Variants in MND1 observed in about 807,000 individuals in gnomAD.
MND1 encodes meiotic nuclear divisions 1.
In MND1, 28 loss-of-function variants were observed where a neutral mutation model predicts 35.1. The observed-to-expected ratio is 0.80, with a 90% CI of 0.59 to 1.09. MND1 has a LOEUF of 1.09. Ranked by LOEUF, MND1 falls within the 50% of genes least tolerant of loss-of-function variation. The pLI, the probability that MND1 is intolerant of heterozygous loss-of-function variation, is 0.00. For missense variants in MND1, 213 were observed against 239.6 expected (o/e 0.89, Z 0.73); for synonymous variants, 69 against 70.5 (o/e 0.98, Z 0.11).
intron 6 of MND1, among the ~76,000 whole-genome samples, chr4:153,404,262 A>G (rs1261686408): frequency 7.1e-6 from 1 of 140,686 alleles, no homozygotes; most frequent in Non-Finnish European, 1.5e-5. Flanking sequence ...GCTCACTGCA[A>G]CCTCCGCCTC....
intron 1 of MND1, among the ~76,000 whole-genome samples, chr4:153,349,734 A>G (rs1773164801): frequency 6.6e-6 from 1 of 152,198 alleles, no homozygotes; most frequent in African/African-American, 2.4e-5. Context: ...GTAGCTGTTC[A>G]TTAGCTATAA....
intron 4 of MND1, chr4:153,381,688 ATATATTTTTTTTT>A (rs1728702005): frequency 4.1e-5 from 1 of 24,468 alleles, no homozygotes; most frequent in Admixed American, 6.5e-4. Context: ...ATATATATAT[ATATATTTTTTTTT>A]TTTTTTTTTT....
chr4:153,374,618 G>A (rs2149642263), intron 4 of MND1, among the ~76,000 whole-genome samples: 2 of 152,090 alleles, frequency 1.3e-5, no homozygotes, highest in South Asian at 4.1e-4. Flanking sequence ...CTTCCAGATG[G>A]GGGTTGGGGG....
At chr4:153,358,816 T>C (rs1268734122) in intron 4 of MND1, among the ~76,000 whole-genome samples, 194 bp downstream of exon 4, 1 of 152,256 alleles carries the variant, frequency 6.6e-6, no homozygotes, top group Non-Finnish European at 1.5e-5. Flanking sequence ...TCTTCCCATA[T>C]GTCAAGATAT....
intron 7 of MND1, among the ~76,000 whole-genome samples, chr4:153,409,384 A>AATAATAATAATC (rs978723001): frequency 1.3e-5 from 2 of 151,768 alleles, no homozygotes; most frequent in Non-Finnish European, 1.5e-5. Context: ...TAATAATAAT[A>AATAATAATAATC]ATAATAGCTA....
chr4:153,377,439 A>G (rs78424391), intron 4 of MND1, among the ~76,000 whole-genome samples: 1,555 of 152,280 alleles, frequency 0.01, 30 homozygotes, highest in African/African-American at 0.035. Flanking sequence ...AAGTTTATTC[A>G]GTTCTGTAAA....
At chr4:153,349,525 A>T (rs559880919) in intron 1 of MND1, among the ~76,000 whole-genome samples, 1 of 152,242 alleles carries the variant, frequency 6.6e-6, no homozygotes, top group African/African-American at 2.4e-5. Flanking sequence ...TCATACAATA[A>T]CTGTCCCCCA....
chr4:153,411,986 T>C (rs1300442354), intron 7 of MND1, among the ~76,000 whole-genome samples: 3 of 152,232 alleles, frequency 2.0e-5, no homozygotes, highest in African/African-American at 7.2e-5. Context: ...TTAGCAAGAA[T>C]GTACTGGTTG....
At chr4:153,364,948 A>G (rs1579909875) in intron 4 of MND1, among the ~76,000 whole-genome samples, 1 of 152,240 alleles carries the variant, frequency 6.6e-6, no homozygotes, top group African/African-American at 2.4e-5. Context: ...AGTCATAAAA[A>G]GACAAATACT....
intron 4 of MND1, among the ~76,000 whole-genome samples, chr4:153,364,459 G>A (rs547383033): frequency 2.0e-5 from 3 of 151,960 alleles, no homozygotes; most frequent in African/African-American, 7.2e-5. Context: ...TGAGGTTGCA[G>A]TGAGCTGTAT....
At chr4:153,376,269 C>G (rs977298549) in intron 4 of MND1, among the ~76,000 whole-genome samples, 1 of 152,030 alleles carries the variant, frequency 6.6e-6, no homozygotes, top group Non-Finnish European at 1.5e-5. Context: ...GATTTAGTCA[C>G]TGTGTGTGTG....
chr4:153,372,146 C>T (rs1043540225), intron 4 of MND1, among the ~76,000 whole-genome samples: 5 of 151,860 alleles, frequency 3.3e-5, no homozygotes, highest in African/African-American at 7.3e-5. Flanking sequence ...CACAGATCAC[C>T]GTGACAGATA....
intron 5 of MND1, among the ~76,000 whole-genome samples, chr4:153,395,050 C>G (rs1579944767): frequency 6.6e-6 from 1 of 152,158 alleles, no homozygotes. Context: ...GAAAACTTGT[C>G]ACATAGTAGA....
intron 3 of MND1, among the ~76,000 whole-genome samples, chr4:153,357,149 G>A (rs1246123209): frequency 6.6e-6 from 1 of 152,068 alleles, no homozygotes; most frequent in African/African-American, 2.4e-5. Context: ...TGTATTTTTT[G>A]TGTGTCTTTT....
chr4:153,405,444 G>A (rs1434947748), intron 6 of MND1, among the ~76,000 whole-genome samples: 1 of 151,940 alleles, frequency 6.6e-6, no homozygotes, highest in Non-Finnish European at 1.5e-5. Context: ...GCTGAGGCAG[G>A]AGAATAGTGT....
In MND1 at chr4:153,413,683, A is replaced by AG. The variant is rs752880394; in HGVS notation, c.512-1064dup. Among the ~76,000 whole-genome samples the AG allele has an allele frequency of 2.2e-4, 31 of 143,010 alleles. 1 individual carries two copies. The highest frequency in any genetic ancestry group is 2.2e-4 in the Admixed American group (3 of 13,722). 93.8% of individuals were successfully genotyped at this position (143,010 alleles called of 152,430 possible). ...GGAGACAAAGCAAGATCCTGTCTCA[A>AG]GGGGAAAAAAAAAAAAAGGAAAAAA... On this transcript the variant is annotated intron_variant, in intron 7 of 7. Transcript: ENST00000240488.
chr4:153,362,158 T>C (rs1319728675), intron 4 of MND1, among the ~76,000 whole-genome samples: 7 of 152,230 alleles, frequency 4.6e-5, no homozygotes, highest in Non-Finnish European at 1.0e-4. Flanking sequence ...TATCCTGTTT[T>C]TCCTATACTG....
intron 4 of MND1, among the ~76,000 whole-genome samples, chr4:153,376,530 T>TG (rs1728515495): frequency 6.6e-6 from 1 of 152,254 alleles, no homozygotes; most frequent in East Asian, 1.9e-4. Flanking sequence ...GGACATAGCA[T>TG]GGGGTACTGT....
intron 4 of MND1, among the ~76,000 whole-genome samples, chr4:153,388,724 A>T (rs1383148550): frequency 6.6e-6 from 1 of 152,204 alleles, no homozygotes; most frequent in Non-Finnish European, 1.5e-5. Flanking sequence ...GGCCTTGCTC[A>T]GCCCCAGGCC....
Sources: gnomAD v4.1 joint callset for allele counts (sites outside exome capture counted in the v4.1 genomes callset) on GRCh38, gnomAD v4.1.1 for gene constraint, MANE v1.5 for transcripts, NCBI Gene and HGNC (gene_info 2026-07-23, HGNC 2026-07-21) for gene names.